ASPRV1: variants seen among roughly 807,000 people sequenced by gnomAD.
The protein encoded by ASPRV1 is aspartic peptidase retroviral like 1.
ASPRV1 carries 7 observed loss-of-function variants against 11.0 expected under a neutral mutation model. That is an observed-to-expected ratio of 0.64 (90% CI 0.36 to 1.20). ASPRV1 has a LOEUF of 1.20. ASPRV1 is among the 50% of genes most tolerant of loss of function. The probability of loss-of-function intolerance (pLI) is 0.02; values close to 1 mark genes in which losing one functional copy is unlikely to be tolerated. For synonymous variants in ASPRV1, 136 were observed against 138.4 expected (o/e 0.98, Z 0.12); for missense variants, 299 against 320.0 (o/e 0.93, Z 0.50).
the ASPRV1 span, among the ~76,000 whole-genome samples, chr2:70,084,643 A>T: frequency 2.0e-4 from 31 of 152,246 alleles, no homozygotes; most frequent in Non-Finnish European, 3.7e-4. Flanking sequence ...ATATATAAAG[A>T]ATAGAAATTA....
the ASPRV1 span, among the ~76,000 whole-genome samples, chr2:70,048,026 T>G: frequency 4.5e-5 from 6 of 134,710 alleles, no homozygotes; most frequent in East Asian, 2.2e-4. Context: ...GGAGAATTGC[T>G]TAAATCCGGG....
At chr2:70,074,577 C>A in the ASPRV1 span, among the ~76,000 whole-genome samples, 2 of 151,580 alleles carry the variant, frequency 1.3e-5, no homozygotes, top group African/African-American at 4.8e-5. Context: ...CGCCTGGCCC[C>A]AACCCCTTTG....
chr2:69,938,006 C>A, the ASPRV1 span: 1 of 1,295,412 alleles, frequency 7.7e-7, no homozygotes, highest in East Asian at 2.4e-5. Context: ...CTTTGCCTCC[C>A]AAAGTGCTGG....
At chr2:70,054,013 T>A in the ASPRV1 span, 1 of 152,268 alleles carries the variant, frequency 6.6e-6, no homozygotes, top group Non-Finnish European at 1.5e-5. Flanking sequence ...GAAAACAAAA[T>A]CAACACATAG....
the ASPRV1 span, chr2:70,070,830 C>G: frequency 7.6e-6 from 1 of 131,024 alleles, no homozygotes; most frequent in East Asian, 2.2e-4. Flanking sequence ...AGGCAATTAA[C>G]ATTTAACTGT....
the ASPRV1 span, among the ~76,000 whole-genome samples, chr2:70,036,126 G>A: frequency 2.0e-5 from 3 of 151,656 alleles, no homozygotes; most frequent in Non-Finnish European, 4.4e-5. Context: ...TTCCAAAGAG[G>A]GGCAGACAGA....
At chr2:70,001,623 G>A in the ASPRV1 span, among the ~76,000 whole-genome samples, 1 of 152,152 alleles carries the variant, frequency 6.6e-6, no homozygotes, top group Non-Finnish European at 1.5e-5. Context: ...AGCCAGGCAT[G>A]GTGGCACATA....
At chr2:70,085,494 G>A in the ASPRV1 span, 3 of 152,214 alleles carry the variant, frequency 2.0e-5, no homozygotes, top group Non-Finnish European at 4.4e-5. Context: ...GTTTTAAATA[G>A]TATTTAAATT....
At chr2:69,965,420 A>G (rs2104301174), upstream of ASPRV1, among the ~76,000 whole-genome samples, 1 of 151,216 alleles carries the variant, frequency 6.6e-6, no homozygotes, top group Middle Eastern at 3.4e-3. Context: ...AAAATACACT[A>G]ACACTAACGA....
At chr2:69,947,581 A>G in the ASPRV1 span, among the ~76,000 whole-genome samples, 1 of 151,920 alleles carries the variant, frequency 6.6e-6, no homozygotes, top group Non-Finnish European at 1.5e-5. Flanking sequence ...AGTATTTGTA[A>G]TTTTGGAAGT....
At chr2:70,050,885 G>A in the ASPRV1 span, 2 of 152,210 alleles carry the variant, frequency 1.3e-5, no homozygotes, top group East Asian at 3.9e-4. Context: ...CAAGGCTACA[G>A]TGAGCTATGA....
At chr2:70,026,961 C>A in the ASPRV1 span, among the ~76,000 whole-genome samples, 1 of 152,044 alleles carries the variant, frequency 6.6e-6, no homozygotes, top group Non-Finnish European at 1.5e-5. Flanking sequence ...TACTACAAAG[C>A]TATAGCAGGC....
chr2:70,046,778 A>G, the ASPRV1 span: 1 of 152,182 alleles, frequency 6.6e-6, no homozygotes, highest in Non-Finnish European at 1.5e-5. Flanking sequence ...GGATTACTCA[A>G]CAGCATGTGC....
chr2:69,959,186 C>G (rs760337306), downstream of ASPRV1, among the ~76,000 whole-genome samples: 1 of 152,166 alleles, frequency 6.6e-6, no homozygotes, highest in Non-Finnish European at 1.5e-5. Context: ...TCATTCCACC[C>G]TGGAGGATGG....
the ASPRV1 span, chr2:69,998,104 G>C: frequency 6.6e-6 from 1 of 150,876 alleles, no homozygotes; most frequent in Non-Finnish European, 1.5e-5. Context: ...TTCATATGTG[G>C]CTCCCCTCCT....
chr2:69,990,316 TG>T, the ASPRV1 span, among the ~76,000 whole-genome samples: 1 of 152,144 alleles, frequency 6.6e-6, no homozygotes, highest in African/African-American at 2.4e-5. Flanking sequence ...CCCGAGTAGC[TG>T]GGATTACAGG....
the ASPRV1 span, chr2:70,003,438 A>T: frequency 6.6e-6 from 1 of 152,412 alleles, no homozygotes; most frequent in East Asian, 1.9e-4. Context: ...TGTTAACAAA[A>T]GCAGAGGGAG....
At chr2:69,937,179 A>C in the ASPRV1 span, 2 of 1,605,858 alleles carry the variant, frequency 1.2e-6, no homozygotes, top group Non-Finnish European at 1.7e-6. Context: ...TGCGGGGGCC[A>C]TTGCCCATTT....
chr2:69,948,302 C>T, the ASPRV1 span, among the ~76,000 whole-genome samples: 1 of 152,302 alleles, frequency 6.6e-6, no homozygotes, highest in Non-Finnish European at 1.5e-5. Flanking sequence ...TTACACCATC[C>T]TCGGCCCCAC....
Sources: allele counts gnomAD v4.1 joint callset (sites outside exome capture counted in the v4.1 genomes callset), GRCh38; gene constraint gnomAD v4.1.1; transcripts MANE v1.5; gene names NCBI Gene and HGNC (gene_info 2026-07-23, HGNC 2026-07-21).